The following ULK4 variants were observed in gnomAD, a reference collection of about 807,000 sequenced individuals.
The protein encoded by ULK4 is unc-51 like kinase 4.
In ULK4, 133 loss-of-function variants were observed where a neutral mutation model predicts 160.6. The ratio of observed to expected loss-of-function variants is 0.83; its 90% CI spans 0.72 to 0.96. The LOEUF is 0.96. Ranked by LOEUF, ULK4 falls within the 40% of genes least tolerant of loss-of-function variation. The pLI is 0.00. For synonymous variants in ULK4, 534 were observed against 539.8 expected, an observed-to-expected ratio of 0.99 and a Z score of 0.15; for missense variants, 1,580 against 1,499.5, an observed-to-expected ratio of 1.05 and a Z score of -0.89.
At chr3:41,256,219 G>A (rs2078832182) in intron 35 of ULK4, among the ~76,000 whole-genome samples, 1 of 152,196 alleles carries the variant, frequency 6.6e-6, no homozygotes, top group African/African-American at 2.4e-5. Flanking sequence ...TTTTGGCTAA[G>A]ATCAAGTGAA....
intron 30 of ULK4, among the ~76,000 whole-genome samples, chr3:41,639,940 T>C (rs980439006): frequency 6.6e-6 from 1 of 152,080 alleles, no homozygotes. Flanking sequence ...AATAGAAAAC[T>C]GTGTATTATG....
chr3:41,891,821 C>G (rs1428285360), intron 16 of ULK4, among the ~76,000 whole-genome samples: 1 of 152,162 alleles, frequency 6.6e-6, no homozygotes, highest in Non-Finnish European at 1.5e-5. Context: ...AGAAGAATCA[C>G]TTGAACCCGG....
intron 17 of ULK4, among the ~76,000 whole-genome samples, chr3:41,861,170 TAGA>T (rs1460759374): frequency 6.7e-6 from 1 of 149,974 alleles, no homozygotes; most frequent in Non-Finnish European, 1.5e-5. Context: ...CTACTTATAG[TAGA>T]AGTAGTTTAC....
At chr3:41,882,073 C>T in intron 17 of ULK4, 1 of 631,896 alleles carries the variant, frequency 1.6e-6, no homozygotes, top group South Asian at 1.8e-5. Context: ...ACTTCACATG[C>T]CCTCTGCCCA....
intron 30 of ULK4, among the ~76,000 whole-genome samples, chr3:41,620,147 G>A (rs2033173807): frequency 6.6e-6 from 1 of 152,122 alleles, no homozygotes; most frequent in African/African-American, 2.4e-5. Flanking sequence ...AAAGAGCCCA[G>A]GACCAGACAA....
At chr3:41,918,176 T>C (rs1699038845) in intron 7 of ULK4, among the ~76,000 whole-genome samples, 1 of 152,146 alleles carries the variant, frequency 6.6e-6, no homozygotes, top group Non-Finnish European at 1.5e-5. Flanking sequence ...CAATGTCACA[T>C]AAGGGTTTAA....
intron 32 of ULK4, among the ~76,000 whole-genome samples, chr3:41,536,392 A>G (rs969228089): frequency 1.3e-5 from 2 of 152,168 alleles, no homozygotes; most frequent in African/African-American, 4.8e-5. Context: ...AACGCAATAC[A>G]GTAAATACAG....
At chr3:41,494,097 G>A (rs1421549509) in intron 32 of ULK4, among the ~76,000 whole-genome samples, 2 of 120,108 alleles carry the variant, frequency 1.7e-5, no homozygotes, top group Admixed American at 1.8e-4. Context: ...GCATCATCCT[G>A]ATACCAAAGC....
intron 35 of ULK4, among the ~76,000 whole-genome samples, chr3:41,281,887 T>C (rs1335307454): frequency 1.3e-5 from 2 of 152,208 alleles, no homozygotes; most frequent in South Asian, 2.1e-4. Context: ...GACATGATTG[T>C]ATATTTAGAA....
At chr3:41,703,679 C>T (rs1473436008) in intron 27 of ULK4, among the ~76,000 whole-genome samples, 2 of 151,876 alleles carry the variant, frequency 1.3e-5, no homozygotes, top group Non-Finnish European at 2.9e-5. Context: ...GAAACAGAAG[C>T]TATTAGCAAA....
intron 23 of ULK4, among the ~76,000 whole-genome samples, chr3:41,716,311 G>A (rs2037267436): frequency 6.6e-6 from 1 of 151,482 alleles, no homozygotes; most frequent in Admixed American, 6.6e-5. Flanking sequence ...AGAATAGGTT[G>A]GAGGTAAAAA....
intron 27 of ULK4, among the ~76,000 whole-genome samples, chr3:41,695,757 AAG>A (rs2036472900): frequency 6.6e-6 from 1 of 152,166 alleles, no homozygotes; most frequent in Non-Finnish European, 1.5e-5. Context: ...ATAAAACAAC[AAG>A]AGTTATACTA....
chr3:41,450,367 T>C (rs2083398410), intron 34 of ULK4, among the ~76,000 whole-genome samples: 1 of 152,188 alleles, frequency 6.6e-6, no homozygotes, highest in Admixed American at 6.6e-5. Flanking sequence ...ATTTTTATGG[T>C]AAGAGAATCA....
At chr3:41,678,283 A>G (rs982517334) in intron 29 of ULK4, among the ~76,000 whole-genome samples, 4 of 151,784 alleles carry the variant, frequency 2.6e-5, no homozygotes, top group Non-Finnish European at 5.9e-5. Context: ...TTATTCTTAC[A>G]ACTGAGCCTT....
At chr3:41,396,974 C>T (rs1195412084) in intron 35 of ULK4, among the ~76,000 whole-genome samples, 2 of 152,140 alleles carry the variant, frequency 1.3e-5, no homozygotes, top group African/African-American at 4.8e-5. Flanking sequence ...ACAGGTTCAG[C>T]TGGGTCACTC....
rs200864648 is a variant in ULK4 at position 41,814,036 on chromosome 3, T to TG, written c.1848+5386dup. ...GGGTAGACCGCTGCCAAAGAGGTGA[T>TG]GGGGTAAGCAGCACACACAATGTAG... On this transcript the variant is annotated intron_variant, in intron 19 of 36. Coordinates refer to ENST00000301831, the MANE Select transcript of ULK4 (RefSeq NM_017886.4). Among the ~76,000 whole-genome samples, 710 of 152,234 alleles carry TG rather than the reference T, an allele frequency of 4.7e-3. 6 individuals are homozygous for TG. Among genetic ancestry groups the TG allele is most frequent in the Middle Eastern group, 0.031 (9 of 294 alleles).
intron 30 of ULK4, among the ~76,000 whole-genome samples, chr3:41,644,927 T>C (rs1358195245): frequency 6.6e-6 from 1 of 152,046 alleles, no homozygotes. Context: ...CTTGGGAGGG[T>C]GTATGTGTCG....
At position 41,279,269 on chromosome 3, in the gene ULK4, A is replaced by AAC. The variant is rs2079301922; in HGVS notation, c.3679-29696_3679-29695insGT. On this transcript the variant is annotated intron_variant, in intron 35 of 36. Coordinates refer to ENST00000301831, the MANE Select transcript of ULK4 (RefSeq NM_017886.4). ...GAAAAAAAGAGTAAAAAAAAAAAAAAAAAAAACAAAACGACAAAGCCTCCA... is the reference window on the plus strand; with the variant it reads ...GAAAAAAAGAGTAAAAAAAAAAAAAAACAAAAAACAAAACGACAAAGCCTCCA... Among the ~76,000 whole-genome samples the AAC allele has an allele frequency of 6.6e-5, 8 of 121,838 alleles. 1 individual carries two copies. In the South Asian group the frequency reaches 7.1e-4, roughly 11 times the overall value. The allele number at this position is 121,838 out of a possible 152,430, so 79.9% of individuals were successfully genotyped here. A position where few individuals can be genotyped will look rare whatever the true frequency, so the allele number is the denominator to read the frequency against.
chr3:41,259,230 T>C (rs74329686), intron 35 of ULK4, among the ~76,000 whole-genome samples: 3,552 of 152,154 alleles, frequency 0.023, 114 homozygotes, highest in African/African-American at 0.073. Flanking sequence ...TTCACCCAAA[T>C]ATTGAAAGGA....
Sources: gnomAD v4.1 joint callset for allele counts (sites outside exome capture counted in the v4.1 genomes callset) on GRCh38, gnomAD v4.1.1 for gene constraint, MANE v1.5 for transcripts, NCBI Gene and HGNC (gene_info 2026-07-23, HGNC 2026-07-21) for gene names.